The following SUPT3H variants were observed in gnomAD, a reference collection of about 807,000 sequenced individuals.
The protein encoded by SUPT3H is SPT3 homolog, SAGA and STAGA complex component, also known as transcription initiation protein SPT3 homolog.
In SUPT3H, 44 loss-of-function variants were observed where a neutral mutation model predicts 44.3. The ratio of observed to expected loss-of-function variants is 0.99; its 90% confidence interval spans 0.78 to 1.28. The LOEUF is 1.28. SUPT3H is among the 50% of genes most tolerant of loss of function. The pLI is 0.00. For synonymous variants in SUPT3H, 124 were observed against 125.6 expected, an observed-to-expected ratio of 0.99 and a Z score of 0.09; for missense variants, 380 against 387.1, an observed-to-expected ratio of 0.98 and a Z score of 0.15.
chr6:45,116,833 C>T (rs529186330), intron 2 of SUPT3H, among the ~76,000 whole-genome samples: 1 of 152,232 alleles, frequency 6.6e-6, no homozygotes, highest in Admixed American at 6.5e-5. Context: ...AGTTTCAGAA[C>T]ATTTCCATCA....
chr6:44,888,019 A>C (rs1334595896), intron 10 of SUPT3H, among the ~76,000 whole-genome samples: 1 of 152,180 alleles, frequency 6.6e-6, no homozygotes, highest in African/African-American at 2.4e-5. Context: ...GAAAATCTAG[A>C]ATGGATAAAT....
rs71687494 is a variant in SUPT3H at position 45,120,417 on chromosome 6, T to TAAAAAAAAAAAAAAAAAAAA, written c.102-14431_102-14412dup. Among the ~76,000 whole-genome samples, 108 of 50,506 alleles carry TAAAAAAAAAAAAAAAAAAAA rather than the reference T, an allele frequency of 2.1e-3. 9 individuals carry two copies. The highest frequency in any genetic ancestry group is 3.1e-3 in the Non-Finnish European group (83 of 26,880). 33.1% of individuals were successfully genotyped at this position (50,506 alleles called of 152,430 possible). A position where few individuals can be genotyped will look rare whatever the true frequency, so the allele number is the denominator to read the frequency against. ...CTGGGTAACAGTGTGAGACCTTGTC[T>TAAAAAAAAAAAAAAAAAAAA]AAAAAAAAAAAAAAAAAAAAAAAAG... On this transcript the variant is annotated intron_variant, in intron 2 of 10. Coordinates refer to ENST00000371459, the MANE Select transcript of SUPT3H (RefSeq NM_003599.4).
At chr6:44,833,116 T>TC (rs1769169092) in intron 10 of SUPT3H, among the ~76,000 whole-genome samples, 1 of 152,288 alleles carries the variant, frequency 6.6e-6, no homozygotes, top group African/African-American at 2.4e-5. Flanking sequence ...CACCAGTCTT[T>TC]CTTCCAGTAC....
chr6:45,300,412 T>C (rs532952128), intron 2 of SUPT3H, among the ~76,000 whole-genome samples: 17 of 152,194 alleles, frequency 1.1e-4, no homozygotes, highest in African/African-American at 3.4e-4. Context: ...CAAAATAAAA[T>C]TGGAAAATAA....
chr6:45,083,859 C>T (rs1189124748), intron 3 of SUPT3H, among the ~76,000 whole-genome samples: 1 of 152,152 alleles, frequency 6.6e-6, no homozygotes, highest in Non-Finnish European at 1.5e-5. Context: ...ATTCCATATT[C>T]AATAAATGGT....
chr6:45,326,201 G>A (rs1414848104), intron 2 of SUPT3H, among the ~76,000 whole-genome samples: 1 of 151,878 alleles, frequency 6.6e-6, no homozygotes, highest in Non-Finnish European at 1.5e-5. Context: ...GGGTTTGTAA[G>A]ATGTTTCAGT....
intron 3 of SUPT3H, among the ~76,000 whole-genome samples, chr6:45,040,231 A>G (rs1788324011): frequency 1.3e-5 from 2 of 152,200 alleles, no homozygotes; most frequent in Admixed American, 1.3e-4. Flanking sequence ...CTATTTACGA[A>G]AATAAGCAAA....
At chr6:44,917,487 G>C (rs1353771086) in intron 10 of SUPT3H, among the ~76,000 whole-genome samples, 2 of 152,188 alleles carry the variant, frequency 1.3e-5, no homozygotes, top group Non-Finnish European at 2.9e-5. Context: ...CTCTGGTAGT[G>C]ATTTTCTATT....
chr6:44,836,988 T>G (rs1434908410), intron 10 of SUPT3H, among the ~76,000 whole-genome samples: 1 of 152,158 alleles, frequency 6.6e-6, no homozygotes, highest in Non-Finnish European at 1.5e-5. Context: ...CAAACACATA[T>G]AAGTAAACAT....
At chr6:45,103,857 C>T (rs1323709309) in intron 3 of SUPT3H, among the ~76,000 whole-genome samples, 2 of 152,044 alleles carry the variant, frequency 1.3e-5, no homozygotes, top group Non-Finnish European at 2.9e-5. Flanking sequence ...CTACATGTTA[C>T]ATACAGGGGA....
At chr6:45,178,500 G>C (rs1052716976) in intron 2 of SUPT3H, among the ~76,000 whole-genome samples, 13 of 151,878 alleles carry the variant, frequency 8.6e-5, no homozygotes, top group South Asian at 2.1e-4. Context: ...ACATTAGACA[G>C]ATCAACGAGA....
intron 2 of SUPT3H, among the ~76,000 whole-genome samples, chr6:45,211,763 C>A (rs1233633119): frequency 2.6e-5 from 4 of 152,034 alleles, no homozygotes; most frequent in African/African-American, 9.7e-5. Flanking sequence ...GCAGGAGAAT[C>A]ACTTGAATCC....
At chr6:44,880,960 T>C (rs901054548) in intron 10 of SUPT3H, among the ~76,000 whole-genome samples, 1 of 152,126 alleles carries the variant, frequency 6.6e-6, no homozygotes, top group African/African-American at 2.4e-5. Context: ...GTACCAGCCA[T>C]TGCAAAAACA....
chr6:44,959,794 A>C (rs928252511), intron 7 of SUPT3H, among the ~76,000 whole-genome samples: 1 of 152,202 alleles, frequency 6.6e-6, no homozygotes. Context: ...GATGGCTATG[A>C]TCAAATACTT....
At chr6:45,281,320 G>A (rs139733673) in intron 2 of SUPT3H, among the ~76,000 whole-genome samples, 1 of 152,342 alleles carries the variant, frequency 6.6e-6, no homozygotes, top group African/African-American at 2.4e-5. Context: ...AGCGCAAGGG[G>A]TCAGGGAATT....
At chr6:45,037,007 ATACT>A (rs753573789) in intron 3 of SUPT3H, among the ~76,000 whole-genome samples, 1 of 152,172 alleles carries the variant, frequency 6.6e-6, no homozygotes, top group Non-Finnish European at 1.5e-5. Context: ...ATTGTGGGAA[ATACT>A]TATTTTATTT....
intron 10 of SUPT3H, among the ~76,000 whole-genome samples, chr6:44,857,376 G>A (rs1347620438): frequency 1.3e-5 from 2 of 152,130 alleles, no homozygotes; most frequent in African/African-American, 4.8e-5. Context: ...CTACTGGGGA[G>A]AGCAGTCTCA....
intron 2 of SUPT3H, among the ~76,000 whole-genome samples, chr6:45,240,137 C>A (rs746414264): frequency 2.0e-5 from 3 of 152,144 alleles, no homozygotes; most frequent in Non-Finnish European, 4.4e-5. Context: ...CATCAAGACA[C>A]CTGAAACCTT....
chr6:44,904,187 G>T (rs550450960), intron 10 of SUPT3H, among the ~76,000 whole-genome samples: 90 of 150,566 alleles, frequency 6.0e-4, no homozygotes, highest in Admixed American at 1.5e-3. Context: ...CCAGGGAGAA[G>T]GAAATAAAGG....
Sources: allele counts gnomAD v4.1 joint callset (sites outside exome capture counted in the v4.1 genomes callset), GRCh38; gene constraint gnomAD v4.1.1; transcripts MANE v1.5; gene names NCBI Gene and HGNC (gene_info 2026-07-23, HGNC 2026-07-21).